MYT1L: variants seen among roughly 807,000 people sequenced by gnomAD.
The protein encoded by MYT1L is myelin transcription factor 1 like.
In MYT1L, 12 loss-of-function variants were observed where a neutral mutation model predicts 126.7. The observed-to-expected ratio is 0.09, with a 90% CI of 0.06 to 0.15. The LOEUF is 0.15. Among genes scored for constraint, MYT1L ranks in the 10% least tolerant of loss-of-function variants. The probability of loss-of-function intolerance (pLI) is 1.00; values close to 1 mark genes in which losing one functional copy is unlikely to be tolerated. For synonymous variants in MYT1L, 541 were observed against 604.2 expected, an observed-to-expected ratio of 0.90 and a Z score of 1.53; for missense variants, 979 against 1,585.2, an observed-to-expected ratio of 0.62 and a Z score of 6.49.
intron 2 of MYT1L, among the ~76,000 whole-genome samples, chr2:2,188,017 C>T (rs1193769949): frequency 3.3e-5 from 5 of 152,038 alleles, no homozygotes; most frequent in Non-Finnish European, 7.4e-5. Flanking sequence ...ATGTTCAGTG[C>T]AAAATATTTT....
intron 3 of MYT1L, among the ~76,000 whole-genome samples, chr2:2,152,517 C>T (rs765473253): frequency 5.9e-5 from 9 of 152,124 alleles, no homozygotes; most frequent in Admixed American, 3.9e-4. Context: ...CAGGGTCAGA[C>T]GCAGAGATGG....
intron 3 of MYT1L, among the ~76,000 whole-genome samples, chr2:2,096,676 C>T (rs1199388481): frequency 6.6e-6 from 1 of 152,172 alleles, no homozygotes; most frequent in Non-Finnish European, 1.5e-5. Flanking sequence ...TTGTTCCTTT[C>T]AGGGGTGAGT....
At position 1,848,483 on chromosome 2, in the gene MYT1L, GC is replaced by G. The variant is rs146351822; in HGVS notation, c.2774+3157del. Reference sequence around the variant, plus strand: ...ACAGCCCACAGTACAGGAGGAGGATGCCTTGAACCCACACAACTACCTTGAA... The same window carrying G: ...ACAGCCCACAGTACAGGAGGAGGATGCTTGAACCCACACAACTACCTTGAA... On this transcript the variant is annotated intron_variant, in intron 19 of 24. Transcript: ENST00000647738. This position sits in a 1 kb window ranked among gnomAD's most constrained non-coding sequence, Gnocchi z 4.8. 0.01 allele frequency among the ~76,000 whole-genome samples: 1,570 copies of G among 152,286 alleles called. 29 individuals carry two copies. The highest frequency in any genetic ancestry group is 0.034 in the African/African-American group (1,422 of 41,540).
intron 2 of MYT1L, among the ~76,000 whole-genome samples, chr2:2,229,116 T>C (rs1238596606): frequency 1.3e-5 from 2 of 152,236 alleles, no homozygotes; most frequent in Non-Finnish European, 2.9e-5. Flanking sequence ...TTTATGTTTA[T>C]ATTAGGCATT....
chr2:2,282,356 A>G (rs1385335278), intron 2 of MYT1L, among the ~76,000 whole-genome samples: 1 of 152,232 alleles, frequency 6.6e-6, no homozygotes, highest in African/African-American at 2.4e-5. Flanking sequence ...AGCCTTTACA[A>G]AACTAAATTT....
At chr2:1,933,986 T>TC (rs1487020131) in intron 9 of MYT1L, among the ~76,000 whole-genome samples, 2 of 145,780 alleles carry the variant, frequency 1.4e-5, no homozygotes, top group African/African-American at 2.5e-5. Flanking sequence ...TTTTTTTTTT[T>TC]TTTTTTGAGA....
intron 3 of MYT1L, among the ~76,000 whole-genome samples, chr2:2,076,553 GA>G (rs1291661379): frequency 4.6e-5 from 7 of 151,708 alleles, no homozygotes; most frequent in Non-Finnish European, 8.8e-5. Flanking sequence ...GAAAGAAAAA[GA>G]AAAAAGGTAC....
chr2:2,096,270 T>A (rs757274732), intron 3 of MYT1L, among the ~76,000 whole-genome samples: 2 of 152,194 alleles, frequency 1.3e-5, no homozygotes, highest in African/African-American at 4.8e-5. Flanking sequence ...GCTCACAATA[T>A]TCCTGCTGTG....
chr2:1,855,916 T>C (rs188131649), intron 18 of MYT1L, among the ~76,000 whole-genome samples: 108 of 152,190 alleles, frequency 7.1e-4, no homozygotes, highest in African/African-American at 2.6e-3. Context: ...TGGTTGTACA[T>C]ATTAAGAGAA....
chr2:1,890,151 C>A (rs1285833953), intron 15 of MYT1L, among the ~76,000 whole-genome samples: 1 of 151,634 alleles, frequency 6.6e-6, no homozygotes, highest in Non-Finnish European at 1.5e-5. Context: ...CTCACTGCAA[C>A]CTCCACCTCC....
intron 2 of MYT1L, among the ~76,000 whole-genome samples, chr2:2,282,008 T>C (rs987207243): frequency 2.6e-5 from 4 of 152,210 alleles, no homozygotes; most frequent in African/African-American, 9.6e-5. Context: ...TCTTTAATGG[T>C]AGTGGATCTC....
At chr2:2,226,388 C>A (rs761380200) in intron 2 of MYT1L, among the ~76,000 whole-genome samples, 61 of 152,094 alleles carry the variant, frequency 4.0e-4, no homozygotes, top group Admixed American at 3.9e-4. Context: ...ATTCTCACAC[C>A]ATAAAATCCA....
chr2:1,932,545 C>T (rs1218649069), intron 9 of MYT1L, among the ~76,000 whole-genome samples: 2 of 152,116 alleles, frequency 1.3e-5, no homozygotes, highest in Non-Finnish European at 2.9e-5. Flanking sequence ...TGTTCCATTG[C>T]AGTTGGTGAA....
intron 18 of MYT1L, among the ~76,000 whole-genome samples, chr2:1,871,243 T>G (rs1259990846): frequency 6.6e-6 from 1 of 152,244 alleles, no homozygotes; most frequent in Non-Finnish European, 1.5e-5. Flanking sequence ...ATTTAACCCT[T>G]GAAGTGCTAC....
intron 1 of MYT1L, among the ~76,000 whole-genome samples, chr2:2,290,867 A>C (rs974927243): frequency 3.9e-5 from 6 of 152,150 alleles, no homozygotes; most frequent in African/African-American, 1.4e-4. Flanking sequence ...CTCAAAAGAA[A>C]TCCCCAGAAC....
intron 1 of MYT1L, among the ~76,000 whole-genome samples, chr2:2,314,465 G>A (rs955383830): frequency 5.9e-5 from 9 of 152,044 alleles, no homozygotes; most frequent in African/African-American, 2.2e-4. Flanking sequence ...TGGTTTTCAG[G>A]GCTCATCCCA....
rs575861360 is a variant in MYT1L at position 2,054,596 on chromosome 2, G to C, written c.-303-473C>G. On this transcript the variant is annotated intron_variant, in intron 3 of 24. Transcript: ENST00000647738. Reference sequence around the variant, plus strand: ...ACACGGAGATGAGACACATGGAGATGAGACACAAGAGATGATAAGACACAT... The same window carrying C: ...ACACGGAGATGAGACACATGGAGATCAGACACAAGAGATGATAAGACACAT... Among the ~76,000 whole-genome samples, 49 of 152,192 alleles carry C rather than the reference G, an allele frequency of 3.2e-4. 1 individual carries two copies. Among genetic ancestry groups the C allele is most frequent in the Admixed American group, 2.9e-3 (44 of 15,302 alleles).
At chr2:1,854,736 G>T (rs909761370) in intron 18 of MYT1L, among the ~76,000 whole-genome samples, 1 of 152,192 alleles carries the variant, frequency 6.6e-6, no homozygotes, top group Non-Finnish European at 1.5e-5. Flanking sequence ...TCCCAGGCGT[G>T]CCACTTGCTA....
chr2:2,168,128 T>C (rs1349512662), intron 3 of MYT1L, among the ~76,000 whole-genome samples: 2 of 152,154 alleles, frequency 1.3e-5, no homozygotes. Context: ...GATCAGTGTG[T>C]GTAGACCTAT....
Sources: allele counts gnomAD v4.1 joint callset (sites outside exome capture counted in the v4.1 genomes callset), GRCh38; gene constraint gnomAD v4.1.1; non-coding constraint Gnocchi (gnomAD v3.1); transcripts MANE v1.5; gene names NCBI Gene and HGNC (gene_info 2026-07-23, HGNC 2026-07-21).